Variants in COBLL1 observed in about 807,000 individuals in gnomAD.
COBLL1 encodes cordon-bleu protein-like 1.
COBLL1 carries 50 observed loss-of-function variants against 94.8 expected under a neutral mutation model. That is an observed-to-expected ratio of 0.53 (90% CI 0.42 to 0.67). COBLL1 has a LOEUF of 0.67. Ranked by LOEUF, COBLL1 falls within the 30% of genes least tolerant of loss-of-function variation. The pLI, the probability that COBLL1 is intolerant of heterozygous loss-of-function variation, is 0.00. For synonymous variants in COBLL1, 448 were observed against 473.8 expected (o/e 0.95, Z 0.71); for missense variants, 1,362 against 1,348.7 (o/e 1.01, Z -0.15).
At chr2:164,771,372 G>T (rs987073835) in intron 2 of COBLL1, among the ~76,000 whole-genome samples, 2 of 151,764 alleles carry the variant, frequency 1.3e-5, no homozygotes, top group African/African-American at 4.8e-5. Context: ...AAACAACAGG[G>T]TATCACTGTC....
chr2:164,751,977 C>T (rs1268115981), intron 2 of COBLL1, among the ~76,000 whole-genome samples: 2 of 152,044 alleles, frequency 1.3e-5, no homozygotes, highest in East Asian at 3.9e-4. Context: ...AAAGAATAAT[C>T]TAATTTTTCA....
chr2:164,725,759 T>C (rs1361575677), intron 5 of COBLL1, among the ~76,000 whole-genome samples: 1 of 152,176 alleles, frequency 6.6e-6, no homozygotes, highest in Non-Finnish European at 1.5e-5. Flanking sequence ...AGGTACATGG[T>C]CATCCTCCAC....
intron 13 of COBLL1, among the ~76,000 whole-genome samples, chr2:164,689,519 C>A (rs1017192379): frequency 6.6e-6 from 1 of 152,054 alleles, no homozygotes; most frequent in Admixed American, 6.6e-5. Context: ...AAATTAAGAG[C>A]CTGCCTGTGT....
chr2:164,754,410 T>C (rs1687289897), intron 2 of COBLL1, among the ~76,000 whole-genome samples: 1 of 152,278 alleles, frequency 6.6e-6, no homozygotes, highest in Non-Finnish European at 1.5e-5. Flanking sequence ...GAAAAGACCA[T>C]GGTGTTATTT....
chr2:164,803,361 C>T (rs1239239967), intron 2 of COBLL1, among the ~76,000 whole-genome samples: 1 of 151,384 alleles, frequency 6.6e-6, no homozygotes, highest in Admixed American at 6.6e-5. Flanking sequence ...GTCAGGAGAT[C>T]GAGACCATCC....
chr2:164,764,913 T>C (rs181411002), intron 2 of COBLL1, among the ~76,000 whole-genome samples: 1 of 152,204 alleles, frequency 6.6e-6, no homozygotes, highest in African/African-American at 2.4e-5. Context: ...CAAGCATTTA[T>C]ACTGCCTGAA....
chr2:164,712,627 AT>A (rs1684955502), intron 7 of COBLL1, among the ~76,000 whole-genome samples: 1 of 152,044 alleles, frequency 6.6e-6, no homozygotes, highest in Non-Finnish European at 1.5e-5. Flanking sequence ...ATGTTAAAAA[AT>A]TTTTACAACT....
chr2:164,697,934 T>C (rs1442341493), intron 11 of COBLL1: 1 of 152,032 alleles, frequency 6.6e-6, no homozygotes, highest in Non-Finnish European at 1.5e-5. Context: ...GACACTGACA[T>C]TGACAAACTT....
chr2:164,663,267 C>T (rs973893590), intron 2 of COBLL1, among the ~76,000 whole-genome samples: 3 of 152,270 alleles, frequency 2.0e-5, no homozygotes, highest in Middle Eastern at 6.8e-3. Context: ...CTAATATTCA[C>T]CAGTTATTGT....
intron 2 of COBLL1, among the ~76,000 whole-genome samples, chr2:164,821,055 T>C (rs992505442): frequency 6.6e-6 from 1 of 151,802 alleles, no homozygotes. Flanking sequence ...GCCCAGCTAA[T>C]TTTTTTTATT....
rs1213555663 is a variant in COBLL1, at chr2:164,772,349, TAA to T, written c.42-28476_42-28475del. Among the ~76,000 whole-genome samples the T allele has an allele frequency of 7.9e-5, 12 of 152,154 alleles. No individual in the cohort carries two copies. The South Asian group carries it at 2.1e-3, about 26-fold the overall frequency. On this transcript the variant is annotated intron_variant, in intron 2 of 13. Coordinates refer to ENST00000652658, the MANE Select transcript of COBLL1 (RefSeq NM_001365672.2). ...ATAGGAAATTTACATTTGAATTATA[TAA>T]GTTAGATTTCTACCAGGTATTTAGA...
At chr2:164,776,393 A>AC (rs540360745) in intron 2 of COBLL1, among the ~76,000 whole-genome samples, 236 of 151,786 alleles carry the variant, frequency 1.6e-3, no homozygotes, top group Middle Eastern at 0.014. Context: ...ATATACAAGC[A>AC]CCCCCCGTCT....
chr2:164,700,038 A>G (rs1412071319), intron 10 of COBLL1, among the ~76,000 whole-genome samples: 3 of 152,074 alleles, frequency 2.0e-5, no homozygotes, highest in African/African-American at 4.8e-5. Context: ...TAAGTGGACT[A>G]GACTATAGCT....
rs958401590 is a variant in COBLL1 at position 164,680,708 on chromosome 2, T to A, written c.*5238A>T. On this transcript the variant is annotated 3_prime_UTR_variant, in exon 14 of 14. Coordinates refer to ENST00000652658, the MANE Select transcript of COBLL1 (RefSeq NM_001365672.2). ...TAGCTTGAACGTCAGATAAACAATA[T>A]AAAAATATAAGTATATCCCAAATAT... The A allele has an allele frequency of 1.3e-5, 2 of 151,986 alleles. No homozygotes were observed. Among genetic ancestry groups the A allele is most frequent in the Non-Finnish European group, 2.9e-5 (2 of 67,980 alleles). 9.4% of individuals were successfully genotyped at this position (151,986 alleles called of 1,614,324 possible). A position where few individuals can be genotyped will look rare whatever the true frequency, so the allele number is the denominator to read the frequency against.
At chr2:164,714,138 A>C (rs993716830) in intron 7 of COBLL1, among the ~76,000 whole-genome samples, 1 of 140,526 alleles carries the variant, frequency 7.1e-6, no homozygotes, top group African/African-American at 3.0e-5. Flanking sequence ...GCCCTTGTCT[A>C]GGCACAATAG....
chr2:164,827,619 T>C (rs1685495244), intron 2 of COBLL1, among the ~76,000 whole-genome samples: 1 of 152,214 alleles, frequency 6.6e-6, no homozygotes, highest in Admixed American at 6.5e-5. Flanking sequence ...TAATGTCCTC[T>C]ACCAAGTGAA....
chr2:164,822,527 G>A (rs2105364681), intron 2 of COBLL1, among the ~76,000 whole-genome samples: 1 of 152,172 alleles, frequency 6.6e-6, no homozygotes, highest in East Asian at 1.9e-4. Context: ...CCTGACGAAG[G>A]TAGTATTCTC....
chr2:164,830,153 T>C (rs67970359), intron 2 of COBLL1, among the ~76,000 whole-genome samples: 23,855 of 152,200 alleles, frequency 0.16, 3,190 homozygotes, highest in African/African-American at 0.37. Flanking sequence ...CCCTGCTTCC[T>C]AAACTGTACT....
At chr2:164,802,044 TAG>T (rs1357927470) in intron 2 of COBLL1, among the ~76,000 whole-genome samples, 4 of 152,208 alleles carry the variant, frequency 2.6e-5, no homozygotes, top group Non-Finnish European at 5.9e-5. Flanking sequence ...GCTTAGAACC[TAG>T]AGTTTAAAAA....
Sources: gnomAD v4.1 joint callset for allele counts (sites outside exome capture counted in the v4.1 genomes callset) on GRCh38, gnomAD v4.1.1 for gene constraint, MANE v1.5 for transcripts, NCBI Gene and HGNC (gene_info 2026-07-23, HGNC 2026-07-21) for gene names.